The following PDE8B variants were observed in gnomAD, a reference collection of about 807,000 sequenced individuals.
PDE8B encodes the protein high affinity cAMP-specific and IBMX-insensitive 3',5'-cyclic phosphodiesterase 8B.
Under a neutral mutation model 101.3 loss-of-function variants are expected in PDE8B, and 26 were observed. The ratio of observed to expected loss-of-function variants is 0.26; its 90% CI spans 0.19 to 0.36. PDE8B has a LOEUF of 0.36. PDE8B is among the 10% of genes least tolerant of loss of function. The pLI is 1.00. For missense variants in PDE8B, 810 were observed against 1,163.1 expected, an observed-to-expected ratio of 0.70 and a Z score of 4.42; for synonymous variants, 424 against 429.3, an observed-to-expected ratio of 0.99 and a Z score of 0.15.
the PDE8B span, among the ~76,000 whole-genome samples, chr5:77,111,451 A>AT: frequency 6.6e-6 from 1 of 152,182 alleles, no homozygotes; most frequent in African/African-American, 2.4e-5. Context: ...GAGGTGAGGT[A>AT]TTTTCAAGTA....
At chr5:77,410,307 A>G (rs1166520705) in intron 14 of PDE8B, 1 of 152,404 alleles carries the variant, frequency 6.6e-6, no homozygotes, top group African/African-American at 2.4e-5. Context: ...TTTTCATTAC[A>G]TGCAAATGAA....
At chr5:77,195,119 G>T in the PDE8B span, among the ~76,000 whole-genome samples, 1 of 152,202 alleles carries the variant, frequency 6.6e-6, no homozygotes, top group Non-Finnish European at 1.5e-5. Context: ...AGTTCAGGAG[G>T]CTGGGAACTC....
intron 18 of PDE8B, 97 bp from the exon 19 acceptor site, chr5:77,419,670 T>C: frequency 1.4e-6 from 2 of 1,416,154 alleles, no homozygotes; most frequent in Non-Finnish European, 2.0e-6. Flanking sequence ...TGCCCCAGCT[T>C]CCTCCTAGGT....
At chr5:77,336,639 G>A (rs1342397951) in intron 5 of PDE8B, among the ~76,000 whole-genome samples, 1 of 152,110 alleles carries the variant, frequency 6.6e-6, no homozygotes, top group Non-Finnish European at 1.5e-5. Flanking sequence ...TTGGACATTT[G>A]GGCTGTTTCT....
the PDE8B span, among the ~76,000 whole-genome samples, chr5:77,198,974 C>T: frequency 6.6e-6 from 1 of 152,070 alleles, no homozygotes; most frequent in East Asian, 1.9e-4. Flanking sequence ...ATGTCTTATT[C>T]GTCTTTTCCC....
intron 1 of PDE8B, among the ~76,000 whole-genome samples, chr5:77,214,969 C>T (rs1033243617): frequency 1.3e-5 from 2 of 152,104 alleles, no homozygotes; most frequent in African/African-American, 4.8e-5. Flanking sequence ...TGAGGTGGGG[C>T]CACCTCTAGC....
intron 10 of PDE8B, among the ~76,000 whole-genome samples, chr5:77,379,198 T>C (rs1786971013): frequency 1.3e-5 from 2 of 152,190 alleles, no homozygotes; most frequent in Non-Finnish European, 2.9e-5. Flanking sequence ...TATCTGAAGA[T>C]GTAGACCTGG....
At chr5:77,364,534 G>T (rs1437412289) in intron 10 of PDE8B, among the ~76,000 whole-genome samples, 1 of 152,182 alleles carries the variant, frequency 6.6e-6, no homozygotes, top group Non-Finnish European at 1.5e-5. Flanking sequence ...ACCCTGGTTT[G>T]CTGAAGGCTA....
chr5:77,195,193 A>T, the PDE8B span, among the ~76,000 whole-genome samples: 1 of 152,230 alleles, frequency 6.6e-6, no homozygotes, highest in East Asian at 1.9e-4. Flanking sequence ...AAGAGGAAAC[A>T]CATGCCCTCA....
At chr5:77,196,569 A>G in the PDE8B span, among the ~76,000 whole-genome samples, 3 of 152,112 alleles carry the variant, frequency 2.0e-5, no homozygotes, top group South Asian at 4.1e-4. Flanking sequence ...TTTTTATTCT[A>G]TTTCTGGAGG....
Position 77,262,949 on chromosome 5 carries a change from T to G in PDE8B, c.340-49045T>G, listed in dbSNP as rs1191939575. 2.6e-5 allele frequency among the ~76,000 whole-genome samples: 4 copies of G among 152,218 alleles called. No individual in the cohort carries two copies. In the East Asian group the frequency reaches 7.7e-4, roughly 29 times the overall value. ...TGACCTGTGACATAATATCCTCAACTGAGGACTCCTTCCTTTTTTCTGATG... is the reference window on the plus strand; with the variant it reads ...TGACCTGTGACATAATATCCTCAACGGAGGACTCCTTCCTTTTTTCTGATG... On this transcript the variant is annotated intron_variant, in intron 1 of 21. Coordinates refer to ENST00000264917, the MANE Select transcript of PDE8B (RefSeq NM_003719.5).
chr5:77,347,289 T>G (rs933228781), intron 7 of PDE8B, among the ~76,000 whole-genome samples: 3 of 152,206 alleles, frequency 2.0e-5, no homozygotes, highest in East Asian at 3.8e-4. Context: ...CCAGGGAAGT[T>G]AAGTAATTTG....
At chr5:77,158,437 C>T in the PDE8B span, among the ~76,000 whole-genome samples, 1 of 152,176 alleles carries the variant, frequency 6.6e-6, no homozygotes, top group African/African-American at 2.4e-5. Flanking sequence ...CTGTGGCTTT[C>T]CTGCTAGTTA....
rs185955146 is a variant in PDE8B, at chr5:77,231,896, T to C, written c.339+20632T>C. On this transcript the variant is annotated intron_variant, in intron 1 of 21. Transcript: ENST00000264917. ...AGTGGGAAAGAAGTGACTTGACCTC[T>C]CTCAGCTCTCATCCTGCAGTGCCCT... Among the ~76,000 whole-genome samples the C allele has an allele frequency of 1.6e-3, 245 of 152,338 alleles. 4 individuals carry two copies. The South Asian group carries it at 0.038, about 23-fold the overall frequency.
intron 11 of PDE8B, among the ~76,000 whole-genome samples, chr5:77,402,530 T>A (rs1792502497): frequency 6.6e-6 from 1 of 152,166 alleles, no homozygotes. Context: ...GTTAAGAAGG[T>A]GGTCTAGAAA....
At chr5:77,368,861 C>T (rs1225233907) in intron 10 of PDE8B, among the ~76,000 whole-genome samples, 1 of 151,952 alleles carries the variant, frequency 6.6e-6, no homozygotes, top group Non-Finnish European at 1.5e-5. Context: ...TATATGGAAA[C>T]AGAAAGAAAA....
At chr5:77,256,043 T>C (rs1322988175) in intron 1 of PDE8B, among the ~76,000 whole-genome samples, 3 of 152,232 alleles carry the variant, frequency 2.0e-5, no homozygotes, top group Non-Finnish European at 4.4e-5. Context: ...TATATGGTTT[T>C]GGAGAGATTC....
chr5:77,283,840 G>A (rs189483310), intron 1 of PDE8B, among the ~76,000 whole-genome samples: 207 of 152,290 alleles, frequency 1.4e-3, no homozygotes, highest in African/African-American at 4.7e-3. Flanking sequence ...CAGGTTATCT[G>A]AGTAAATATC....
intron 2 of PDE8B, among the ~76,000 whole-genome samples, chr5:77,322,816 T>C (rs1488193280): frequency 1.3e-5 from 2 of 151,582 alleles, no homozygotes; most frequent in African/African-American, 4.8e-5. Context: ...ATTTATTGTG[T>C]GTGCCTCTAC....
Sources: allele counts gnomAD v4.1 joint callset (sites outside exome capture counted in the v4.1 genomes callset), GRCh38; gene constraint gnomAD v4.1.1; transcripts MANE v1.5; gene names NCBI Gene and HGNC (gene_info 2026-07-23, HGNC 2026-07-21).